The following CSTF2 variants were observed in gnomAD, a reference collection of about 807,000 sequenced individuals.
CSTF2 encodes the protein CF-1 64 kDa subunit.
CSTF2 carries 8 observed loss-of-function variants against 45.4 expected under a neutral mutation model. The observed-to-expected ratio is 0.18, with a 90% CI of 0.10 to 0.32. The LOEUF (loss-of-function observed/expected upper bound fraction) is 0.32. Among genes scored for constraint, CSTF2 ranks in the 10% least tolerant of loss-of-function variants. The pLI is 1.00. For missense variants in CSTF2, 253 were observed against 477.1 expected (o/e 0.53, Z 4.38); for synonymous variants, 155 against 158.9 (o/e 0.98, Z 0.18).
intron 8 of CSTF2, among the ~76,000 whole-genome samples, chrX:100,829,164 A>T (rs1268790277): frequency 8.9e-6 from 1 of 111,960 alleles, no homozygotes; most frequent in African/African-American, 3.3e-5. Context: ...TTTCTTTTGT[A>T]GCATATGGTT....
chrX:100,822,147 T>C (rs1340360124), intron 2 of CSTF2, 104 bp from the exon 3 acceptor site: 2 of 586,422 alleles, frequency 3.4e-6, no homozygotes, highest in Non-Finnish European at 5.2e-6. Context: ...GTCAGAGATA[T>C]AAGGTTATTT....
chrX:100,840,229 A>T lies in CSTF2; in HGVS notation c.*4-485A>T, dbSNP rs921215643. ...TGGCTAAAGTGTTGGGTTTTCCTCC[A>T]TCCTATACCTAGCTAGTTGTGATCC... On this transcript the variant is annotated intron_variant, in intron 13 of 13. Coordinates refer to ENST00000372972, the MANE Select transcript of CSTF2 (RefSeq NM_001325.3). Among the ~76,000 whole-genome samples the T allele has an allele frequency of 5.3e-5, 6 of 112,188 alleles. No homozygotes were observed. In the East Asian group the frequency reaches 1.4e-3, roughly 26 times the overall value.
At chrX:100,826,958 G>A (rs888423228) in intron 7 of CSTF2, among the ~76,000 whole-genome samples, 2 of 112,007 alleles carry the variant, frequency 1.8e-5, no homozygotes, top group Non-Finnish European at 3.8e-5. Flanking sequence ...GAAAGGGACA[G>A]TAAAGTGAAA....
intron 1 of CSTF2, 73 bp from the exon 2 acceptor site, chrX:100,821,454 T>A: frequency 1.3e-6 from 1 of 741,333 alleles, no homozygotes; most frequent in Non-Finnish European, 2.1e-6. Flanking sequence ...TATTTGATGA[T>A]ATAAGTTTAC....
intron 11 of CSTF2, among the ~76,000 whole-genome samples, chrX:100,837,064 A>G (rs940594373): frequency 1.8e-5 from 2 of 111,893 alleles, no homozygotes; most frequent in African/African-American, 6.5e-5. Context: ...TATTTGGCTG[A>G]ATTTTGATTA....
At chrX:100,824,773 G>A (rs1174563747) in intron 6 of CSTF2, among the ~76,000 whole-genome samples, 1 of 112,465 alleles carries the variant, frequency 8.9e-6, no homozygotes, top group Non-Finnish European at 1.9e-5. Context: ...ATGGAAAACA[G>A]ACTAATAAAG....
chrX:100,821,925 C>CT, intron 2 of CSTF2, among the ~76,000 whole-genome samples: 1 of 110,570 alleles, frequency 9.0e-6, no homozygotes, highest in Middle Eastern at 4.7e-3. Flanking sequence ...GAAACCTTGT[C>CT]TCTACTAAAA....
chrX:100,832,047 T>C (rs978304843), intron 9 of CSTF2, among the ~76,000 whole-genome samples: 6 of 110,563 alleles, frequency 5.4e-5, no homozygotes, highest in Non-Finnish European at 7.6e-5. Flanking sequence ...TGAAATCCCA[T>C]CTCTACTAAA....
At chrX:100,821,892 G>A (rs1031435105) in intron 2 of CSTF2, among the ~76,000 whole-genome samples, 2 of 111,416 alleles carry the variant, frequency 1.8e-5, no homozygotes, top group East Asian at 2.8e-4. Context: ...TCAGGAGTTC[G>A]AGACCAGCCT....
At chrX:100,839,215 C>T (rs1168553444) in intron 13 of CSTF2, among the ~76,000 whole-genome samples, 2 of 103,563 alleles carry the variant, frequency 1.9e-5, no homozygotes, top group African/African-American at 7.1e-5. Context: ...TGCCACTGCA[C>T]TCTAGCCTGG....
intron 12 of CSTF2, 106 bp downstream of exon 12, chrX:100,837,555 A>C: frequency 2.1e-6 from 1 of 483,028 alleles, no homozygotes; most frequent in Non-Finnish European, 3.4e-6. Flanking sequence ...GTCCCTTTGG[A>C]GGTGATGTTT....
intron 1 of CSTF2, 36 bp downstream of exon 1, chrX:100,820,510 G>A: frequency 8.6e-7 from 1 of 1,160,340 alleles, no homozygotes; most frequent in Non-Finnish European, 1.2e-6. Flanking sequence ...CTTCGGGGAG[G>A]GACTCCCCTC....
chrX:100,836,414 T>C (rs2085008940), intron 11 of CSTF2, among the ~76,000 whole-genome samples: 1 of 112,237 alleles, frequency 8.9e-6, no homozygotes, highest in African/African-American at 3.2e-5. Flanking sequence ...TTCATATTAC[T>C]GAAGTGGTAT....
At chrX:100,836,000 T>A (rs1198157435) in intron 11 of CSTF2, among the ~76,000 whole-genome samples, 2 of 111,954 alleles carry the variant, frequency 1.8e-5, no homozygotes, top group Non-Finnish European at 3.8e-5. Flanking sequence ...TCATAGGTGT[T>A]TCAGACCCAT....
intron 3 of CSTF2, chrX:100,822,633 T>A (rs755647761): frequency 2.4e-6 from 1 of 408,771 alleles, no homozygotes; most frequent in African/African-American, 2.6e-5. Context: ...TGTCTGAAAT[T>A]TCTATACCCT....
intron 8 of CSTF2, among the ~76,000 whole-genome samples, 185 bp from the exon 9 acceptor site, chrX:100,831,330 C>T (rs765609731): frequency 8.9e-6 from 1 of 112,275 alleles, no homozygotes; most frequent in African/African-American, 3.2e-5. Flanking sequence ...TCCATCCATA[C>T]CTCTGACATG....
rs747580948 is a variant in CSTF2, at chrX:100,821,549, T to A, written c.81T>A (p.Ala27=). 3 of 1,203,274 alleles carry A rather than the reference T, an allele frequency of 2.5e-6. No homozygotes were observed. Among genetic ancestry groups the A allele is most frequent in the Non-Finnish European group, 3.4e-6 (3 of 889,227 alleles). ...SVFVGNIPYE[A]TEEQLKDIFS... Reference sequence around the variant, plus strand: ...TAGTGGGGAACATTCCTTATGAAGCTACTGAAGAGCAGTTGAAGGACATCT... The same window carrying A: ...TAGTGGGGAACATTCCTTATGAAGCAACTGAAGAGCAGTTGAAGGACATCT... Residue 27 remains alanine (A), a synonymous_variant, in exon 2 of 14, where the codon GCT becomes GCA. Transcript: ENST00000372972.
At chrX:100,827,366 T>A (rs913854847) in intron 7 of CSTF2, among the ~76,000 whole-genome samples, 2 of 112,572 alleles carry the variant, frequency 1.8e-5, no homozygotes, top group East Asian at 5.5e-4. Flanking sequence ...TACTTGTAAC[T>A]GTTCCTTGTT....
At chrX:100,832,052 A>G (rs1468217484) in intron 9 of CSTF2, among the ~76,000 whole-genome samples, 1 of 110,657 alleles carries the variant, frequency 9.0e-6, no homozygotes, top group East Asian at 2.8e-4. Flanking sequence ...TCCCATCTCT[A>G]CTAAAAATAG....
Sources: gnomAD v4.1 joint callset for allele counts (sites outside exome capture counted in the v4.1 genomes callset) on GRCh38, gnomAD v4.1.1 for gene constraint, MANE v1.5 for transcripts, NCBI Gene and HGNC (gene_info 2026-07-23, HGNC 2026-07-21) for gene names.